DDAH1: variants seen among roughly 807,000 people sequenced by gnomAD.
DDAH1 encodes dimethylarginine dimethylaminohydrolase 1, also known as N(G),N(G)-dimethylarginine dimethylaminohydrolase 1.
Under a neutral mutation model 28.8 loss-of-function variants are expected in DDAH1, and 19 were observed. The ratio of observed to expected loss-of-function variants is 0.66; its 90% CI spans 0.46 to 0.97. The LOEUF (loss-of-function observed/expected upper bound fraction) is 0.97. DDAH1 is among the 50% of genes least tolerant of loss of function. The pLI, the probability that DDAH1 is intolerant of heterozygous loss-of-function variation, is 0.00. For missense variants in DDAH1, 326 were observed against 375.9 expected (o/e 0.87, Z 1.10); for synonymous variants, 153 against 154.4 (o/e 0.99, Z 0.07).
At chr1:85,391,854 G>A (rs1651565575) in intron 1 of DDAH1, among the ~76,000 whole-genome samples, 1 of 152,100 alleles carries the variant, frequency 6.6e-6, no homozygotes, top group Non-Finnish European at 1.5e-5. Context: ...ATATTTCCAG[G>A]GAAAACATTA....
At chr1:85,346,286 TA>T (rs1198595601) in intron 4 of DDAH1, among the ~76,000 whole-genome samples, 1 of 152,110 alleles carries the variant, frequency 6.6e-6, no homozygotes, top group Non-Finnish European at 1.5e-5. Flanking sequence ...GGGACTTCTC[TA>T]CAGAGGAAAG....
At chr1:85,512,083 C>T (rs1340478963) in intron 1 of DDAH1, among the ~76,000 whole-genome samples, 5 of 152,136 alleles carry the variant, frequency 3.3e-5, no homozygotes, top group Admixed American at 2.6e-4. Context: ...TGATGAACAT[C>T]GATGCGAAAA....
rs1283601855 is a variant in DDAH1 at position 85,381,031 on chromosome 1, G to T, written c.304-22184C>A. Among the ~76,000 whole-genome samples, 4 of 151,780 alleles carry T rather than the reference G, an allele frequency of 2.6e-5. No homozygotes were observed. In the East Asian group the frequency reaches 5.8e-4, roughly 22 times the overall value. On this transcript the variant is annotated intron_variant, in intron 1 of 5. Coordinates refer to ENST00000284031, the MANE Select transcript of DDAH1 (RefSeq NM_012137.4). ...ACAGGTGGATTACCTGAGGTCAGGAGTTCAGGACCAGCCTGGCCAATATGG... is the reference window on the plus strand; with the variant it reads ...ACAGGTGGATTACCTGAGGTCAGGATTTCAGGACCAGCCTGGCCAATATGG...
Position 85,351,520 on chromosome 1 carries a change from C to T in DDAH1, c.463G>A (p.Ala155Thr). The change falls in exon 3 of 6, where the codon GCT becomes ACT. Residue 155 changes from alanine (A) to threonine (T), a missense_variant. Coordinates refer to ENST00000284031, the MANE Select transcript of DDAH1 (RefSeq NM_012137.4). ...CTTTTACCTACCTTAAAAGTATCAG[C>T]CAAGATTTCAGCACCTCGTTGATTT... ...RTNQRGAEIL[A>T]DTFKDYAVST... 1 of 1,614,024 alleles carries T rather than the reference C, an allele frequency of 6.2e-7. No individual in the cohort carries two copies. Among genetic ancestry groups the T allele is most frequent in the South Asian group, 1.1e-5 (1 of 91,072 alleles).
At position 85,321,274 on chromosome 1, in the gene DDAH1, T is replaced by G. The variant is rs233114; in HGVS notation, c.*178A>C. On this transcript the variant is annotated 3_prime_UTR_variant, in exon 6 of 6. Transcript: ENST00000284031. The stretch of plus-strand genomic sequence containing the variant: ...GCAAATCCACAGCTTAGGTACCACC[T>G]CGAGGGGAGGGAGGGTGGGGGTGTT... 0.35 allele frequency: 194,530 copies of G among 553,770 alleles called. 34,752 individuals carry two copies. The highest frequency in any genetic ancestry group is 0.4 in the South Asian group (15,966 of 39,644). 34.3% of individuals were successfully genotyped at this position (553,770 alleles called of 1,614,324 possible).
chr1:85,351,837 G>A (rs755137030), intron 2 of DDAH1, among the ~76,000 whole-genome samples: 1 of 152,208 alleles, frequency 6.6e-6, no homozygotes, highest in Non-Finnish European at 1.5e-5. Flanking sequence ...ATTGTTTAAT[G>A]GATAGGAAGT....
At chr1:85,475,995 G>A (rs576188719) in intron 2 of DDAH1, among the ~76,000 whole-genome samples, 5 of 152,238 alleles carry the variant, frequency 3.3e-5, no homozygotes, top group East Asian at 1.9e-4. Flanking sequence ...GGGACTAGAG[G>A]TGCACGCCAC....
chr1:85,430,415 G>GT (rs569747400), intron 1 of DDAH1, among the ~76,000 whole-genome samples: 219 of 152,244 alleles, frequency 1.4e-3, no homozygotes, highest in South Asian at 5.0e-3. Context: ...ATTTTAAGTA[G>GT]TTTTTTCTAA....
rs923693753 is a variant in DDAH1, at chr1:85,351,412, C to T, written c.477+94G>A. ...GAATTATTGTACAAAGCCAGTGAAG[C>T]GTAAACACCATTACTCATGACATTG... On this transcript the variant is annotated intron_variant, in intron 3 of 5. Coordinates refer to ENST00000284031, the MANE Select transcript of DDAH1 (RefSeq NM_012137.4). 2.2e-5 allele frequency: 21 copies of T among 972,838 alleles called. No individual in the cohort carries two copies. In the Admixed American group the frequency reaches 3.0e-4, roughly 14 times the overall value. 60.3% of individuals were successfully genotyped at this position (972,838 alleles called of 1,614,324 possible).
intron 1 of DDAH1, chr1:85,376,670 C>A (rs1322038308): frequency 6.6e-6 from 1 of 150,588 alleles, no homozygotes; most frequent in African/African-American, 2.4e-5. Flanking sequence ...GTGAAATTCA[C>A]TCCCTGGATT....
chr1:85,510,274 A>G (rs1378816029), intron 1 of DDAH1, among the ~76,000 whole-genome samples: 1 of 152,240 alleles, frequency 6.6e-6, no homozygotes, highest in Non-Finnish European at 1.5e-5. Flanking sequence ...AGGAGAAATA[A>G]AATCCTTTAC....
At chr1:85,540,594 C>T (rs1658442957) in intron 1 of DDAH1, among the ~76,000 whole-genome samples, 1 of 152,168 alleles carries the variant, frequency 6.6e-6, no homozygotes, top group African/African-American at 2.4e-5. Context: ...GTACAACTAC[C>T]TCCAATGCTT....
chr1:85,561,900 T>C (rs1198126337), intron 1 of DDAH1, among the ~76,000 whole-genome samples: 1 of 152,218 alleles, frequency 6.6e-6, no homozygotes, highest in Non-Finnish European at 1.5e-5. Flanking sequence ...TAAACTTTAT[T>C]GGATGTTGGA....
Position 85,320,180 on chromosome 1 carries a change from TTC to T in DDAH1, c.*1270_*1271del, listed in dbSNP as rs1169693543. The T allele has an allele frequency of 6.6e-6, 1 of 152,638 alleles. No individual in the cohort carries two copies. The highest frequency in any genetic ancestry group is 1.9e-4 in the East Asian group (1 of 5,200). The allele number at this position is 152,638 out of a possible 1,614,324, so 9.5% of individuals were successfully genotyped here. Reference sequence around the variant, plus strand: ...CATCTCTTCCTTCAGTGCCGCATTGTTCTTTGTAAGAGATCCGTGTCAGTTCA... The same window carrying T: ...CATCTCTTCCTTCAGTGCCGCATTGTTTTGTAAGAGATCCGTGTCAGTTCA... On this transcript the variant is annotated 3_prime_UTR_variant, in exon 6 of 6. Transcript: ENST00000284031.
chr1:85,442,193 G>A lies in DDAH1; in HGVS notation c.303+22550C>T, dbSNP rs181134447. ...ACCCTCCCTCCTCCCGCCACCCCAC[G>A]ACAGGCCCCAGTGTGTGATGTTCTC... On this transcript the variant is annotated intron_variant, in intron 1 of 5. Coordinates refer to ENST00000284031, the MANE Select transcript of DDAH1 (RefSeq NM_012137.4). Among the ~76,000 whole-genome samples the A allele has an allele frequency of 3.1e-3, 468 of 152,096 alleles. 3 individuals are homozygous for A. The highest frequency in any genetic ancestry group is 4.9e-3 in the Non-Finnish European group (335 of 67,986).
intron 1 of DDAH1, among the ~76,000 whole-genome samples, chr1:85,574,467 T>A (rs1397604084): frequency 2.6e-5 from 4 of 152,192 alleles, no homozygotes; most frequent in Non-Finnish European, 5.9e-5. Context: ...TTATGCCCAG[T>A]CAAGGCCTTG....
intron 1 of DDAH1, among the ~76,000 whole-genome samples, chr1:85,386,846 A>G (rs1651290700): frequency 6.6e-6 from 1 of 152,202 alleles, no homozygotes; most frequent in African/African-American, 2.4e-5. Flanking sequence ...GGAAGCTGCC[A>G]AGCCTCCATC....
At chr1:85,540,611 T>C (rs1052005963) in intron 1 of DDAH1, among the ~76,000 whole-genome samples, 11 of 152,294 alleles carry the variant, frequency 7.2e-5, no homozygotes, top group Admixed American at 7.2e-4. Flanking sequence ...GCTTTCCTCC[T>C]ATCCCCACCA....
chr1:85,540,493 A>G (rs1252921759), intron 1 of DDAH1, among the ~76,000 whole-genome samples: 2 of 151,736 alleles, frequency 1.3e-5, no homozygotes, highest in Non-Finnish European at 2.9e-5. Flanking sequence ...GTATGAAACT[A>G]CTCTTTGTAT....
Sources: allele counts gnomAD v4.1 joint callset (sites outside exome capture counted in the v4.1 genomes callset), GRCh38; gene constraint gnomAD v4.1.1; transcripts MANE v1.5; gene names NCBI Gene and HGNC (gene_info 2026-07-23, HGNC 2026-07-21).